The following ARHGAP26 variants were observed in gnomAD, a reference collection of about 807,000 sequenced individuals.
ARHGAP26 encodes the protein Rho GTPase activating protein 26.
Under a neutral mutation model 104.8 loss-of-function variants are expected in ARHGAP26, and 38 were observed. The observed-to-expected ratio is 0.36, with a 90% confidence interval of 0.28 to 0.48. The LOEUF is 0.48. Ranked by LOEUF, ARHGAP26 falls within the 20% of genes least tolerant of loss-of-function variation. The pLI is 0.99. For missense variants in ARHGAP26, 704 were observed against 947.9 expected (o/e 0.74, Z 3.38); for synonymous variants, 341 against 340.0 (o/e 1.00, Z -0.03).
Position 142,891,953 on chromosome 5 carries a change from G to A in ARHGAP26, c.487-2285G>A, listed in dbSNP as rs374372710. On this transcript the variant is annotated intron_variant, in intron 5 of 22. Coordinates refer to ENST00000645722, the MANE Select transcript of ARHGAP26 (RefSeq NM_001135608.3). The stretch of plus-strand genomic sequence containing the variant: ...GAGAGTTGAGGTACTTCCCAGCATA[G>A]CATCTTGCAACTCCATACGTGGAGT... 2.4e-4 allele frequency among the ~76,000 whole-genome samples: 36 copies of A among 152,016 alleles called. 1 individual carries two copies. Among genetic ancestry groups the A allele is most frequent in the African/African-American group, 8.5e-4 (35 of 41,298 alleles).
At chr5:143,147,473 A>T (rs746395037) in intron 20 of ARHGAP26, 92 bp downstream of exon 20, 1 of 1,435,776 alleles carries the variant, frequency 7.0e-7, no homozygotes, top group African/African-American at 1.4e-5. Flanking sequence ...ACTTTGGACC[A>T]TTATCCCCTG....
At chr5:142,833,228 T>G (rs941320580) in intron 1 of ARHGAP26, among the ~76,000 whole-genome samples, 25 of 150,226 alleles carry the variant, frequency 1.7e-4, no homozygotes, top group Admixed American at 5.3e-4. Context: ...TAATTTTTTT[T>G]TTTTTTTTTT....
intron 17 of ARHGAP26, among the ~76,000 whole-genome samples, chr5:143,087,681 T>C (rs1375112390): frequency 7.5e-6 from 1 of 133,240 alleles, no homozygotes; most frequent in Non-Finnish European, 1.6e-5. Flanking sequence ...GTTTTGCTCT[T>C]GTTGCCCAGG....
intron 1 of ARHGAP26, among the ~76,000 whole-genome samples, chr5:142,838,824 C>G (rs1011983505): frequency 3.9e-5 from 6 of 152,116 alleles, no homozygotes; most frequent in East Asian, 1.9e-4. Flanking sequence ...GACAAGGAAA[C>G]AGACTCAGAA....
chr5:143,115,910 G>T (rs1795374376), intron 17 of ARHGAP26, among the ~76,000 whole-genome samples: 1 of 152,160 alleles, frequency 6.6e-6, no homozygotes. Context: ...GAGAATATTT[G>T]CACTTTATAC....
At chr5:143,000,147 A>C (rs1776996579) in intron 11 of ARHGAP26, among the ~76,000 whole-genome samples, 1 of 152,232 alleles carries the variant, frequency 6.6e-6, no homozygotes. Context: ...ATGTGAAGCA[A>C]CCCAAACTCT....
chr5:143,224,521 T>G lies in ARHGAP26; in HGVS notation c.*2075T>G, dbSNP rs1178904042. The G allele has an allele frequency of 4.3e-6, 1 of 230,858 alleles. No individual in the cohort carries two copies. Among genetic ancestry groups the G allele is most frequent in the African/African-American group, 2.2e-5 (1 of 45,228 alleles). The allele number at this position is 230,858 out of a possible 1,614,324, so 14.3% of individuals were successfully genotyped here. On this transcript the variant is annotated 3_prime_UTR_variant, in exon 23 of 23. Coordinates refer to ENST00000645722, the MANE Select transcript of ARHGAP26 (RefSeq NM_001135608.3). The stretch of plus-strand genomic sequence containing the variant: ...AAGTGGGGTCAGGCATTCGAGTTTT[T>G]GTCTTTCTTCTCAGGTGTATTTCTT...
intron 11 of ARHGAP26, among the ~76,000 whole-genome samples, chr5:142,960,053 A>G (rs1402712054): frequency 6.6e-6 from 1 of 152,292 alleles, no homozygotes; most frequent in Non-Finnish European, 1.5e-5. Flanking sequence ...TTGGTTGAAT[A>G]GAAAAGACAG....
chr5:143,077,584 C>T (rs1351021332), intron 17 of ARHGAP26, among the ~76,000 whole-genome samples: 2 of 152,194 alleles, frequency 1.3e-5, no homozygotes, highest in South Asian at 2.1e-4. Context: ...AAAAGGCTCA[C>T]CGTAGATGAC....
intron 17 of ARHGAP26, among the ~76,000 whole-genome samples, chr5:143,059,363 C>G (rs1338431722): frequency 6.6e-6 from 1 of 152,060 alleles, no homozygotes; most frequent in Non-Finnish European, 1.5e-5. Flanking sequence ...CTGAGAGAGA[C>G]CAAAAGTGAA....
intron 3 of ARHGAP26, among the ~76,000 whole-genome samples, chr5:142,878,514 C>T (rs1379731991): frequency 6.7e-6 from 1 of 149,182 alleles, no homozygotes; most frequent in East Asian, 2.0e-4. Context: ...TTACAAGATA[C>T]TGATGTGTAT....
At chr5:142,775,831 T>C (rs1756208904) in intron 1 of ARHGAP26, among the ~76,000 whole-genome samples, 1 of 152,218 alleles carries the variant, frequency 6.6e-6, no homozygotes, top group Admixed American at 6.5e-5. Flanking sequence ...TGGCTAAATA[T>C]CTTATTGTTG....
chr5:142,869,999 TC>T (rs546669579), intron 1 of ARHGAP26, among the ~76,000 whole-genome samples: 87 of 152,274 alleles, frequency 5.7e-4, no homozygotes, highest in African/African-American at 2.0e-3. Flanking sequence ...ATACTTGGCC[TC>T]CCCAGATGCC....
rs370075018 is a variant in ARHGAP26 at position 143,147,483 on chromosome 5, G to T, written c.1988+102G>T. The T allele has an allele frequency of 2.1e-5, 29 of 1,377,308 alleles. 1 individual carries two copies. In the South Asian group the frequency reaches 3.6e-4, roughly 17 times the overall value. 85.3% of individuals were successfully genotyped at this position (1,377,308 alleles called of 1,614,324 possible). ...ATCTGACTTTGGACCATTATCCCCT[G>T]AACATTATTTAAACCTCCTCCCTAA... On this transcript the variant is annotated intron_variant, in intron 20 of 22. Coordinates refer to ENST00000645722, the MANE Select transcript of ARHGAP26 (RefSeq NM_001135608.3).
At chr5:142,868,508 G>A (rs977861137) in intron 1 of ARHGAP26, among the ~76,000 whole-genome samples, 5 of 152,212 alleles carry the variant, frequency 3.3e-5, no homozygotes, top group African/African-American at 1.2e-4. Flanking sequence ...GCAAATGGAG[G>A]TGTTTTGTTT....
chr5:142,895,068 G>A lies in ARHGAP26; in HGVS notation c.597+720G>A, dbSNP rs547211898. Among the ~76,000 whole-genome samples the A allele has an allele frequency of 2.0e-5, 3 of 152,292 alleles. No individual in the cohort carries two copies. The East Asian group carries it at 5.8e-4, about 29-fold the overall frequency. ...CACTGGTGTGGAGAATCCACAGCAGGAAGACTTCATGGAAACACCAAAATA... is the reference window on the plus strand; with the variant it reads ...CACTGGTGTGGAGAATCCACAGCAGAAAGACTTCATGGAAACACCAAAATA... On this transcript the variant is annotated intron_variant, in intron 6 of 22. Coordinates refer to ENST00000645722, the MANE Select transcript of ARHGAP26 (RefSeq NM_001135608.3).
At chr5:143,164,694 T>C (rs1801696029) in intron 20 of ARHGAP26, among the ~76,000 whole-genome samples, 1 of 152,162 alleles carries the variant, frequency 6.6e-6, no homozygotes, top group African/African-American at 2.4e-5. Context: ...TATAGCTAGC[T>C]CTGAATTGGA....
chr5:142,953,448 A>G (rs1562145379), intron 11 of ARHGAP26, among the ~76,000 whole-genome samples: 1 of 152,130 alleles, frequency 6.6e-6, no homozygotes, highest in Admixed American at 6.5e-5. Context: ...TCATGCAAAA[A>G]GTCTTTGAGC....
chr5:142,873,830 A>G (rs1433737240), intron 2 of ARHGAP26, among the ~76,000 whole-genome samples: 1 of 152,186 alleles, frequency 6.6e-6, no homozygotes, highest in East Asian at 1.9e-4. Context: ...TATGTAGAAC[A>G]CAGGTAGATG....
Sources: allele counts gnomAD v4.1 joint callset (sites outside exome capture counted in the v4.1 genomes callset), GRCh38; gene constraint gnomAD v4.1.1; transcripts MANE v1.5; gene names NCBI Gene and HGNC (gene_info 2026-07-23, HGNC 2026-07-21).